DYSF: variants seen among roughly 807,000 people sequenced by gnomAD.
DYSF encodes the protein dysferlin, also known as dystrophy-associated fer-1-like 1.
In DYSF, 212 loss-of-function variants were observed where a neutral mutation model predicts 274.9. The observed-to-expected ratio is 0.77, with a 90% CI of 0.69 to 0.86. The LOEUF (loss-of-function observed/expected upper bound fraction) is 0.86, where lower values mean the gene tolerates loss of function less well. DYSF is among the 40% of genes least tolerant of loss of function. The pLI, the probability that DYSF is intolerant of heterozygous loss-of-function variation, is 0.00. For missense variants in DYSF, 2,666 were observed against 2,783.2 expected (o/e 0.96, Z 0.95); for synonymous variants, 1,091 against 1,078.7 (o/e 1.01, Z -0.22).
chr2:71,613,279 GGGC>G, intron 39 of DYSF, 52 bp from the exon 40 acceptor site: 1 of 1,541,466 alleles, frequency 6.5e-7, no homozygotes, highest in Non-Finnish European at 8.9e-7. Flanking sequence ...GGCTGGTGAG[GGGC>G]GAGCCTTTTG....
chr2:71,571,090 ACACACAGATCACACCCAG>A (rs2092402136), intron 29 of DYSF, among the ~76,000 whole-genome samples: 2 of 142,874 alleles, frequency 1.4e-5, no homozygotes, highest in Non-Finnish European at 3.0e-5. Context: ...CACCCAGCAC[ACACACAGATCACACCCAG>A]CACACAGATC....
At chr2:71,561,678 T>C (rs1295029041) in intron 22 of DYSF, 74 bp from the exon 23 acceptor site, 6 of 1,579,774 alleles carry the variant, frequency 3.8e-6, no homozygotes, top group Non-Finnish European at 5.2e-6. Context: ...TGTGAGAACC[T>C]GGCACATGTG....
chr2:71,464,726 G>A (rs1312005983), upstream of DYSF, among the ~76,000 whole-genome samples: 1 of 152,188 alleles, frequency 6.6e-6, no homozygotes, highest in South Asian at 2.1e-4. Flanking sequence ...AGTGAGATGG[G>A]AGCCAACGGA....
Position 71,535,039 on chromosome 2 carries a change from G to C in DYSF, c.1399G>C (p.Glu467Gln), listed in dbSNP as rs1485102840. The change falls in exon 15 of 56, where the codon GAG (glutamate) becomes CAG (glutamine). Residue 467 changes from glutamate (E) to glutamine (Q), a missense_variant. Physicochemically the swap from Glu to Gln is conservative, Grantham distance 29. Coordinates refer to ENST00000410020, the MANE Select transcript of DYSF (RefSeq NM_001130987.2). ...CTTCTAGCTGTGCAGCAAGATCTTG[G>C]AGAAGACGGCCAACCCTCAGTGGAA... ...AGKMLCSKIL[E>Q]KTANPQWNQN... 1.2e-6 allele frequency: 2 copies of C among 1,614,160 alleles called. No homozygotes were observed. The highest frequency in any genetic ancestry group is 2.2e-5 in the South Asian group (2 of 91,086).
At chr2:71,630,442 C>T (rs2094294177) in intron 41 of DYSF, among the ~76,000 whole-genome samples, 2 of 152,208 alleles carry the variant, frequency 1.3e-5, no homozygotes, top group African/African-American at 2.4e-5. Context: ...TGACCCTCTC[C>T]CACTAGGCCC....
chr2:71,686,620 C>A lies in DYSF; in HGVS notation c.*128C>A. ...TGATTGTCCTGCCAGGGTGGGCAGA[C>A]AGACAGATGGACCGGCCCACACTCC... On this transcript the variant is annotated 3_prime_UTR_variant, in exon 56 of 56. Coordinates refer to ENST00000410020, the MANE Select transcript of DYSF (RefSeq NM_001130987.2). 1 of 1,114,322 alleles carries A rather than the reference C, an allele frequency of 9.0e-7. No homozygotes were observed. The highest frequency in any genetic ancestry group is 1.4e-6 in the Non-Finnish European group (1 of 736,588). The allele number at this position is 1,114,322 out of a possible 1,614,324, so 69.0% of individuals were successfully genotyped here.
chr2:71,456,154 G>C (rs1040898503), intron 1 of DYSF, among the ~76,000 whole-genome samples: 2 of 151,886 alleles, frequency 1.3e-5, no homozygotes, highest in Non-Finnish European at 1.5e-5. Context: ...TGGCTCTTCG[G>C]GGTAGGCTCC....
At chr2:71,592,335 TC>T (rs1372260588) in intron 32 of DYSF, among the ~76,000 whole-genome samples, 2 of 123,550 alleles carry the variant, frequency 1.6e-5, no homozygotes, top group Non-Finnish European at 3.5e-5. Context: ...CCCCACCCCC[TC>T]CCCCAAATAA....
chr2:71,537,626 T>C (rs10180057), intron 16 of DYSF, among the ~76,000 whole-genome samples: 100,023 of 152,026 alleles, frequency 0.66, 33,718 homozygotes, highest in Middle Eastern at 0.76. Context: ...CCTAATGTAG[T>C]GCCGGCGATG....
intron 22 of DYSF, among the ~76,000 whole-genome samples, chr2:71,561,345 C>G (rs1380621422): frequency 6.6e-6 from 1 of 152,174 alleles, no homozygotes; most frequent in Non-Finnish European, 1.5e-5. Context: ...CAGTGCAGGG[C>G]ACTCAGCGCT....
intron 38 of DYSF, among the ~76,000 whole-genome samples, chr2:71,612,339 A>G (rs931306364): frequency 2.0e-5 from 3 of 150,934 alleles, no homozygotes; most frequent in African/African-American, 7.3e-5. Context: ...TCCCGGGCCA[A>G]CTCCCCTCGC....
At chr2:71,620,979 C>G (rs1158013969) in intron 41 of DYSF, among the ~76,000 whole-genome samples, 1 of 152,074 alleles carries the variant, frequency 6.6e-6, no homozygotes, top group Non-Finnish European at 1.5e-5. Flanking sequence ...AGACGGCAGG[C>G]TGACTTTCTG....
At chr2:71,549,440 T>G in intron 17 of DYSF, 1 of 1,593,398 alleles carries the variant, frequency 6.3e-7, no homozygotes, top group Non-Finnish European at 8.6e-7. Flanking sequence ...GGCCTTGGGT[T>G]TTGGCTAGAG....
intron 3 of DYSF, among the ~76,000 whole-genome samples, chr2:71,499,087 C>T (rs1032693313): frequency 6.6e-6 from 1 of 152,250 alleles, no homozygotes; most frequent in Non-Finnish European, 1.5e-5. Context: ...TCCCTGGCCT[C>T]TTTGTCCCTG....
At chr2:71,672,191 G>A (rs1275479559) in intron 51 of DYSF, among the ~76,000 whole-genome samples, 1 of 151,282 alleles carries the variant, frequency 6.6e-6, no homozygotes, top group Non-Finnish European at 1.5e-5. Context: ...GGCCGAAGGC[G>A]GAGACAGAAA....
At chr2:71,572,892 A>G (rs746239608) in intron 29 of DYSF, among the ~76,000 whole-genome samples, 5 of 152,224 alleles carry the variant, frequency 3.3e-5, no homozygotes, top group African/African-American at 4.8e-5. Context: ...GCATTCATGC[A>G]ATGCAAGCAC....
intron 25 of DYSF, 34 bp downstream of exon 25, chr2:71,568,116 A>G (rs1307892489): frequency 1.2e-6 from 2 of 1,614,128 alleles, no homozygotes; most frequent in African/African-American, 2.7e-5. Flanking sequence ...TCTGCCTCCC[A>G]CTACCTGGAG....
chr2:71,648,549 A>T (rs111339667), intron 42 of DYSF, among the ~76,000 whole-genome samples: 2 of 148,070 alleles, frequency 1.4e-5, no homozygotes, highest in African/African-American at 5.0e-5. Flanking sequence ...AGTAAAAAAA[A>T]TTACAGAAAA....
intron 4 of DYSF, among the ~76,000 whole-genome samples, chr2:71,508,573 G>C (rs894861851): frequency 6.6e-6 from 1 of 152,148 alleles, no homozygotes; most frequent in African/African-American, 2.4e-5. Flanking sequence ...CATTGGTTTT[G>C]TCTGATGTTT....
Sources: allele counts gnomAD v4.1 joint callset (sites outside exome capture counted in the v4.1 genomes callset), GRCh38; gene constraint gnomAD v4.1.1; transcripts MANE v1.5; gene names NCBI Gene and HGNC (gene_info 2026-07-23, HGNC 2026-07-21).